Variants in TRAP1 observed in about 807,000 individuals in gnomAD.
The protein encoded by TRAP1 is TNF receptor associated protein 1.
A neutral mutation model predicts 89.1 loss-of-function variants in TRAP1; 102 were observed. The ratio of observed to expected loss-of-function variants is 1.15; its 90% CI spans 0.98 to 1.35. The LOEUF is 1.35. TRAP1 is among the 40% of genes most tolerant of loss of function. TRAP1 has a pLI of 0.00. For synonymous variants in TRAP1, 508 were observed against 388.0 expected (o/e 1.31, Z -3.64); for missense variants, 1,256 against 945.3 (o/e 1.33, Z -4.31).
At chr16:3,696,455 A>G (rs1332308330) in intron 1 of TRAP1, among the ~76,000 whole-genome samples, 1 of 152,184 alleles carries the variant, frequency 6.6e-6, no homozygotes, top group East Asian at 1.9e-4. Context: ...GAGGAGGAGC[A>G]GCAGCTCTTC....
chr16:3,690,518 G>A (rs112577135), intron 2 of TRAP1, among the ~76,000 whole-genome samples: 23 of 152,298 alleles, frequency 1.5e-4, no homozygotes, highest in Middle Eastern at 3.4e-3. Flanking sequence ...TGCGCAGACT[G>A]GGCCAATGCT....
intron 12 of TRAP1, chr16:3,665,280 G>A (rs1033327927): frequency 8.5e-5 from 13 of 152,372 alleles, no homozygotes; most frequent in African/African-American, 2.6e-4. Flanking sequence ...TCCTCCTGCT[G>A]CTGGGGAGAA....
chr16:3,675,275 C>A, intron 8 of TRAP1, 49 bp downstream of exon 8: 1 of 1,583,378 alleles, frequency 6.3e-7, no homozygotes, highest in Non-Finnish European at 8.7e-7. Context: ...CTGAAACGTA[C>A]AGATTTGTCT....
chr16:3,676,191 G>A, intron 6 of TRAP1, 46 bp from the exon 7 acceptor site: 1 of 1,550,110 alleles, frequency 6.5e-7, no homozygotes, highest in Non-Finnish European at 8.9e-7. Flanking sequence ...GTGACACTGG[G>A]ACATACCCTG....
intron 10 of TRAP1, 41 bp downstream of exon 10, chr16:3,672,659 T>G (rs776853988): frequency 1.3e-6 from 2 of 1,582,844 alleles, no homozygotes; most frequent in South Asian, 2.3e-5. Context: ...CGGGCGACAC[T>G]GGGCCACGGG....
chr16:3,672,366 T>C (rs974914077), intron 10 of TRAP1, among the ~76,000 whole-genome samples: 6 of 152,146 alleles, frequency 3.9e-5, no homozygotes, highest in African/African-American at 1.4e-4. Context: ...GGTTCGCACC[T>C]CTGTGTACCA....
intron 1 of TRAP1, among the ~76,000 whole-genome samples, chr16:3,714,932 C>T (rs2051577950): frequency 6.6e-6 from 1 of 152,194 alleles, no homozygotes; most frequent in Admixed American, 6.5e-5. Flanking sequence ...CCCTGTTGCA[C>T]AAGACATGTA....
intron 16 of TRAP1, chr16:3,659,916 G>C (rs2042973883): frequency 6.6e-6 from 1 of 151,934 alleles, no homozygotes; most frequent in Non-Finnish European, 1.5e-5. Flanking sequence ...CCCCCAGCTA[G>C]TTTTTGTATT....
chr16:3,695,280 G>A (rs1596738394), intron 1 of TRAP1, among the ~76,000 whole-genome samples: 1 of 152,182 alleles, frequency 6.6e-6, no homozygotes, highest in Admixed American at 6.5e-5. Flanking sequence ...GCGGGAAGGG[G>A]AGAGGGCTGG....
At chr16:3,717,375 C>T (rs1262441490) in intron 1 of TRAP1, 46 bp downstream of exon 1, 3 of 818,802 alleles carry the variant, frequency 3.7e-6, no homozygotes, top group South Asian at 5.6e-5. Context: ...CCTGCCGTCT[C>T]CGTGGCCCGG....
In TRAP1 at chr16:3,661,978, T is replaced by TGGCCTCACCTG. The variant is rs764706401; in HGVS notation, c.1938_1940+8dup. 31 of 1,595,694 alleles carry TGGCCTCACCTG rather than the reference T, an allele frequency of 1.9e-5. No individual in the cohort carries two copies. The Admixed American group carries it at 2.7e-4, about 14-fold the overall frequency. On this transcript the variant is annotated intron_variant, in intron 16 of 17. Transcript: ENST00000246957. ...CCACAGGCTGGAAGAGCCAGGAGCG[T>TGGCCTCACCTG]GGCCTCACCTGGGGTTGATCTCCAG... is the stretch of plus-strand genomic sequence containing the variant.
At chr16:3,713,850 G>A (rs1416209142) in intron 1 of TRAP1, among the ~76,000 whole-genome samples, 1 of 152,158 alleles carries the variant, frequency 6.6e-6, no homozygotes, top group Non-Finnish European at 1.5e-5. Flanking sequence ...TCTCATGGTG[G>A]GCCACGTGGC....
Position 3,677,480 on chromosome 16 carries a change from G to A in TRAP1, c.704+18C>T, listed in dbSNP as rs371172204. ...AGCTCAGCTTTGAGCTGCCTGTCAG[G>A]CGACATTCGTCACTCACCCATCTGA... On this transcript the variant is annotated intron_variant, in intron 6 of 17. Coordinates refer to ENST00000246957, the MANE Select transcript of TRAP1 (RefSeq NM_016292.3). 14 of 1,613,988 alleles carry A rather than the reference G, an allele frequency of 8.7e-6. No individual in the cohort carries two copies. The highest frequency in any genetic ancestry group is 1.2e-5 in the Non-Finnish European group (14 of 1,180,026).
chr16:3,679,820 C>T (rs764376881), intron 4 of TRAP1, 30 bp from the exon 5 acceptor site: 14 of 1,610,976 alleles, frequency 8.7e-6, no homozygotes, highest in Non-Finnish European at 9.3e-6. Flanking sequence ...AAGTGCCAAG[C>T]CCCCAGCACC....
chr16:3,675,198 TCTC>T, intron 8 of TRAP1, 123 bp downstream of exon 8: 1 of 856,030 alleles, frequency 1.2e-6, no homozygotes, highest in South Asian at 1.7e-5. Context: ...CCAGGTCTCA[TCTC>T]CACAGAGCAG....
chr16:3,693,123 A>G (rs1454780825), intron 1 of TRAP1, among the ~76,000 whole-genome samples: 1 of 151,390 alleles, frequency 6.6e-6, no homozygotes, highest in African/African-American at 2.4e-5. Flanking sequence ...TAATTTTTGT[A>G]TTTTTAGTAG....
At chr16:3,684,838 G>A (rs774739784) in intron 4 of TRAP1, among the ~76,000 whole-genome samples, 12 of 152,068 alleles carry the variant, frequency 7.9e-5, no homozygotes, top group Non-Finnish European at 1.6e-4. Context: ...CGCTCCCATC[G>A]GCTATTGAGA....
At chr16:3,661,933 A>T in intron 16 of TRAP1, 54 bp downstream of exon 16, 1 of 1,532,622 alleles carries the variant, frequency 6.5e-7, no homozygotes, top group South Asian at 1.2e-5. Flanking sequence ...AGAACACCAC[A>T]CACAGGATTC....
chr16:3,689,178 C>A lies in TRAP1; in HGVS notation c.248-41G>T, dbSNP rs368429253. The A allele has an allele frequency of 3.2e-6, 5 of 1,540,940 alleles. No homozygotes were observed. In the African/African-American group the frequency reaches 4.1e-5, roughly 13 times the overall value. On this transcript the variant is annotated intron_variant, in intron 2 of 17. Coordinates refer to ENST00000246957, the MANE Select transcript of TRAP1 (RefSeq NM_016292.3). ...AGACACAACCAACAAAGTTTAACTTCTATTTTTGTGCAAGAATACGCTACG... is the reference window on the plus strand; with the variant it reads ...AGACACAACCAACAAAGTTTAACTTATATTTTTGTGCAAGAATACGCTACG...
Sources: gnomAD v4.1 joint callset for allele counts (sites outside exome capture counted in the v4.1 genomes callset) on GRCh38, gnomAD v4.1.1 for gene constraint, MANE v1.5 for transcripts, NCBI Gene and HGNC (gene_info 2026-07-23, HGNC 2026-07-21) for gene names.